Variants in MYRIP observed in about 807,000 individuals in gnomAD.
MYRIP encodes rab effector MyRIP.
A neutral mutation model predicts 98.0 loss-of-function variants in MYRIP; 49 were observed. The observed-to-expected ratio is 0.50, with a 90% CI of 0.40 to 0.63. MYRIP has a LOEUF of 0.63. MYRIP is among the 30% of genes least tolerant of loss of function. The probability of loss-of-function intolerance (pLI) is 0.00; values close to 1 mark genes in which losing one functional copy is unlikely to be tolerated. For missense variants in MYRIP, 1,004 were observed against 1,058.2 expected, an observed-to-expected ratio of 0.95 and a Z score of 0.71; for synonymous variants, 404 against 409.5, an observed-to-expected ratio of 0.99 and a Z score of 0.16.
At chr3:39,918,194 A>G (rs1944213800) in intron 2 of MYRIP, among the ~76,000 whole-genome samples, 1 of 152,206 alleles carries the variant, frequency 6.6e-6, no homozygotes, top group Non-Finnish European at 1.5e-5. Flanking sequence ...GATTACAGGC[A>G]TGAGCCACCG....
intron 2 of MYRIP, among the ~76,000 whole-genome samples, chr3:40,022,218 G>A (rs966154467): frequency 5.9e-5 from 9 of 152,186 alleles, no homozygotes; most frequent in African/African-American, 2.2e-4. Context: ...TACTAGGGAC[G>A]AAGGTGGCCA....
intron 2 of MYRIP, among the ~76,000 whole-genome samples, chr3:39,933,008 T>C (rs758738304): frequency 7.9e-5 from 12 of 152,228 alleles, no homozygotes; most frequent in Non-Finnish European, 1.6e-4. Flanking sequence ...ATAGCATTTC[T>C]AGGACTGCTC....
intron 10 of MYRIP, among the ~76,000 whole-genome samples, chr3:40,198,115 TC>T (rs1193878850): frequency 6.6e-6 from 1 of 152,176 alleles, no homozygotes; most frequent in Admixed American, 6.5e-5. Flanking sequence ...TCACTACACC[TC>T]CCAGGATGCA....
chr3:39,823,695 G>C (rs1941183698), intron 1 of MYRIP, among the ~76,000 whole-genome samples: 1 of 151,646 alleles, frequency 6.6e-6, no homozygotes, highest in Non-Finnish European at 1.5e-5. Context: ...CTTTTTAATG[G>C]GATTTTTTTT....
chr3:40,076,992 G>A (rs1433270404), intron 3 of MYRIP, among the ~76,000 whole-genome samples: 1 of 152,138 alleles, frequency 6.6e-6, no homozygotes, highest in East Asian at 1.9e-4. Flanking sequence ...CAGAATTGGT[G>A]GGTTCTTGGT....
chr3:40,093,773 C>G (rs1384579635), intron 3 of MYRIP, among the ~76,000 whole-genome samples: 2 of 152,244 alleles, frequency 1.3e-5, no homozygotes, highest in Admixed American at 6.5e-5. Flanking sequence ...ACCACCATTG[C>G]AATTGGATGC....
intron 10 of MYRIP, among the ~76,000 whole-genome samples, chr3:40,204,128 TATATA>T (rs1381418278): frequency 0.013 from 495 of 38,016 alleles, 35 homozygotes; most frequent in African/African-American, 0.036. Context: ...TATAGAGTAT[TATATA>T]ATATATTATA....
At chr3:39,973,387 C>A (rs1393326498) in intron 2 of MYRIP, among the ~76,000 whole-genome samples, 2 of 152,060 alleles carry the variant, frequency 1.3e-5, no homozygotes, top group Non-Finnish European at 1.5e-5. Flanking sequence ...TACAGGAGCA[C>A]CCAGATTCAT....
chr3:40,002,061 A>T (rs1027771730), intron 2 of MYRIP, among the ~76,000 whole-genome samples: 2 of 152,110 alleles, frequency 1.3e-5, no homozygotes, highest in Non-Finnish European at 2.9e-5. Flanking sequence ...CTGGCATGTC[A>T]GTTCCTCCTC....
At chr3:39,911,028 A>G (rs904814347) in intron 2 of MYRIP, among the ~76,000 whole-genome samples, 1 of 152,200 alleles carries the variant, frequency 6.6e-6, no homozygotes, top group Non-Finnish European at 1.5e-5. Flanking sequence ...ACAGTTTAAA[A>G]AAAAGCATAC....
intron 2 of MYRIP, among the ~76,000 whole-genome samples, chr3:39,918,348 A>G (rs1014457546): frequency 6.6e-6 from 1 of 152,206 alleles, no homozygotes; most frequent in East Asian, 1.9e-4. Flanking sequence ...TTATAAATCA[A>G]TGCCTTAGCC....
chr3:39,889,917 T>A (rs1407741017), intron 1 of MYRIP, among the ~76,000 whole-genome samples: 2 of 152,098 alleles, frequency 1.3e-5, no homozygotes, highest in Non-Finnish European at 2.9e-5. Flanking sequence ...TGCCTTACAA[T>A]CCACACCAGG....
At chr3:39,878,991 G>C (rs967823262) in intron 1 of MYRIP, among the ~76,000 whole-genome samples, 1 of 151,892 alleles carries the variant, frequency 6.6e-6, no homozygotes, top group Admixed American at 6.6e-5. Flanking sequence ...ACTTGAACCT[G>C]GGAGGCGGAG....
chr3:40,035,813 G>T lies in MYRIP; in HGVS notation c.111-8237G>T, dbSNP rs1029990283. 1.4e-3 allele frequency among the ~76,000 whole-genome samples: 218 copies of T among 152,030 alleles called. 1 individual carries two copies. The highest frequency in any genetic ancestry group is 5.2e-3 in the African/African-American group (214 of 41,528). On this transcript the variant is annotated intron_variant, in intron 2 of 16. Coordinates refer to ENST00000302541, the MANE Select transcript of MYRIP (RefSeq NM_015460.4). ...GAACCAAGAAATGAATGGCACATGA[G>T]TGGAACAGGCATATTTAAGTGGAAA...
intron 1 of MYRIP, among the ~76,000 whole-genome samples, chr3:39,816,859 T>TA (rs1940934236): frequency 1.3e-5 from 2 of 152,352 alleles, no homozygotes; most frequent in South Asian, 4.1e-4. Context: ...ATTGTATACA[T>TA]AAATCCAAAC....
intron 5 of MYRIP, 44 bp from the exon 6 acceptor site, chr3:40,166,802 A>C (rs1208647477): frequency 4.6e-6 from 6 of 1,298,486 alleles, no homozygotes; most frequent in Non-Finnish European, 6.7e-6. Context: ...CGTTTTACTC[A>C]TCATTCCCTT....
intron 2 of MYRIP, 44 bp from the exon 3 acceptor site, chr3:40,044,004 GTT>G (rs1947609470): frequency 6.3e-7 from 1 of 1,580,768 alleles, no homozygotes; most frequent in African/African-American, 1.3e-5. Flanking sequence ...CTGACCTGAT[GTT>G]GTGTTTCTCT....
At chr3:40,095,951 C>G (rs1469618125) in intron 3 of MYRIP, among the ~76,000 whole-genome samples, 1 of 151,686 alleles carries the variant, frequency 6.6e-6, no homozygotes, top group Non-Finnish European at 1.5e-5. Flanking sequence ...CCCCATTTCT[C>G]TCACATACAC....
chr3:39,830,938 AC>A, intron 1 of MYRIP, among the ~76,000 whole-genome samples: 1 of 152,264 alleles, frequency 6.6e-6, no homozygotes, highest in East Asian at 1.9e-4. Context: ...AGTTTCATCA[AC>A]TTCACCGGAA....
Sources: allele counts gnomAD v4.1 joint callset (sites outside exome capture counted in the v4.1 genomes callset), GRCh38; gene constraint gnomAD v4.1.1; transcripts MANE v1.5; gene names NCBI Gene and HGNC (gene_info 2026-07-23, HGNC 2026-07-21).